The following SYNE2 variants were observed in gnomAD, a reference collection of about 807,000 sequenced individuals.
The protein encoded by SYNE2 is spectrin repeat containing nuclear envelope protein 2.
A neutral mutation model predicts 856.3 loss-of-function variants in SYNE2; 431 were observed. The ratio of observed to expected loss-of-function variants is 0.50; its 90% CI spans 0.47 to 0.55. The LOEUF is 0.55. Among genes scored for constraint, SYNE2 ranks in the 20% least tolerant of loss-of-function variants. The probability of loss-of-function intolerance (pLI) is 0.00; values close to 1 mark genes in which losing one functional copy is unlikely to be tolerated. For missense variants in SYNE2, 8,129 were observed against 8,023.2 expected (o/e 1.01, Z -0.50); for synonymous variants, 2,923 against 2,872.3 (o/e 1.02, Z -0.56).
intron 49 of SYNE2, among the ~76,000 whole-genome samples, chr14:64,056,666 T>C (rs1293059928): frequency 2.6e-5 from 3 of 115,604 alleles, no homozygotes; most frequent in East Asian, 2.7e-4. Context: ...TCCTGACTTT[T>C]GTTGTACTTT....
At position 64,024,114 on chromosome 14, in the gene SYNE2, C is replaced by A. The variant is rs2096959145; in HGVS notation, c.5638-143C>A. On this transcript the variant is annotated intron_variant, in intron 38 of 115. Coordinates refer to ENST00000555002, the MANE Select transcript of SYNE2 (RefSeq NM_182914.3). The stretch of plus-strand genomic sequence containing the variant: ...ATAAATCATCTGCCATTGGAGATAG[C>A]CACATCTCCATCACCCTTCTTTCGT... 8.5e-6 allele frequency: 6 copies of A among 703,328 alleles called. No individual in the cohort carries two copies. The East Asian group carries it at 1.7e-4, about 20-fold the overall frequency. The allele number at this position is 703,328 out of a possible 1,614,324, so 43.6% of individuals were successfully genotyped here.
chr14:64,097,519 A>G (rs1370707622), intron 61 of SYNE2, among the ~76,000 whole-genome samples: 1 of 152,204 alleles, frequency 6.6e-6, no homozygotes, highest in Non-Finnish European at 1.5e-5. Context: ...TTGGGACACA[A>G]TGGAAAGTCT....
At position 63,862,859 on chromosome 14, in the gene SYNE2, G is replaced by A. The variant is rs188577413; in HGVS notation, c.-52+9716G>A. The stretch of plus-strand genomic sequence containing the variant: ...TGTTGCCAGGCTGGAGTGCAGTGGC[G>A]TGATCTTGGCTCACTGCAGCCTCTG... On this transcript the variant is annotated intron_variant, in intron 1 of 115. Coordinates refer to ENST00000555002, the MANE Select transcript of SYNE2 (RefSeq NM_182914.3). Among the ~76,000 whole-genome samples the A allele has an allele frequency of 4.0e-5, 6 of 151,846 alleles. No homozygotes were observed. In the East Asian group the frequency reaches 7.8e-4, roughly 20 times the overall value.
At chr14:64,167,719 G>C (rs967957291) in intron 92 of SYNE2, 80 bp downstream of exon 92, 8 of 1,591,096 alleles carry the variant, frequency 5.0e-6, no homozygotes, top group Non-Finnish European at 6.9e-6. Context: ...ATAAAACACA[G>C]GGAGTGTACC....
chr14:64,149,087 C>T (rs1567465170), intron 84 of SYNE2, among the ~76,000 whole-genome samples: 1 of 150,524 alleles, frequency 6.6e-6, no homozygotes, highest in Admixed American at 6.7e-5. Flanking sequence ...GCAGAAGGAT[C>T]ACTTGAGGCC....
chr14:64,217,657 C>T (rs1266233287), intron 108 of SYNE2, among the ~76,000 whole-genome samples: 1 of 152,178 alleles, frequency 6.6e-6, no homozygotes, highest in Non-Finnish European at 1.5e-5. Context: ...CCTGTGATGA[C>T]GCCTGTGTTC....
chr14:64,143,853 G>A lies in SYNE2; in HGVS notation c.15388G>A (p.Val5130Ile). Residue 5130 changes from valine to isoleucine, a missense_variant, in exon 83 of 116, where the codon GTA becomes ATA. Coordinates refer to ENST00000555002, the MANE Select transcript of SYNE2 (RefSeq NM_182914.3). ...QSLLQLSTCD[V>I]ESKRYERTEF... is the part of the protein sequence containing the mutation. ...ATTACTTCAGCTAAGCACCTGTGAT[G>A]TAGAAAGCAAGCGCTATGAAAGAAC... The A allele has an allele frequency of 6.2e-7, 1 of 1,614,216 alleles. No individual in the cohort carries two copies. The highest frequency in any genetic ancestry group is 8.5e-7 in the Non-Finnish European group (1 of 1,180,034).
At chr14:63,918,991 G>A (rs568192204) in intron 2 of SYNE2, among the ~76,000 whole-genome samples, 1 of 152,196 alleles carries the variant, frequency 6.6e-6, no homozygotes, top group African/African-American at 2.4e-5. Flanking sequence ...AAACTTCCAG[G>A]GGGTTTTGAT....
intron 1 of SYNE2, among the ~76,000 whole-genome samples, chr14:63,885,706 A>G (rs1053572777): frequency 6.6e-6 from 1 of 152,116 alleles, no homozygotes; most frequent in Middle Eastern, 3.2e-3. Context: ...GGCTCAAGCA[A>G]TCCTGCCTCA....
At chr14:63,781,827 A>G (rs540050877) in intron 1 of SYNE2, among the ~76,000 whole-genome samples, 1 of 152,226 alleles carries the variant, frequency 6.6e-6, no homozygotes, top group African/African-American at 2.4e-5. Context: ...GGTAGTATAG[A>G]ATATCCTGTG....
chr14:64,144,224 G>T (rs933966127), intron 83 of SYNE2, among the ~76,000 whole-genome samples: 1 of 152,160 alleles, frequency 6.6e-6, no homozygotes, highest in African/African-American at 2.4e-5. Context: ...TATTATGTCA[G>T]ACTCCTAAAT....
chr14:64,043,396 A>T (rs1235824475), intron 45 of SYNE2, among the ~76,000 whole-genome samples: 1 of 152,224 alleles, frequency 6.6e-6, no homozygotes, highest in African/African-American at 2.4e-5. Context: ...GTGCACAAGT[A>T]ACAAGCCGAA....
chr14:64,113,679 C>G, intron 66 of SYNE2, 108 bp downstream of exon 66: 1 of 1,203,174 alleles, frequency 8.3e-7, no homozygotes, highest in Non-Finnish European at 1.2e-6. Context: ...TTACTCTGAC[C>G]CTTACATTTA....
At chr14:64,002,693 T>C in intron 29 of SYNE2, 27 bp from the exon 30 acceptor site, 1 of 1,609,328 alleles carries the variant, frequency 6.2e-7, no homozygotes, top group South Asian at 1.1e-5. Context: ...CACCTCAGTG[T>C]TTTAGCTTTT....
In SYNE2 at chr14:64,177,324, A is replaced by C. The variant is rs1011340575; in HGVS notation, c.17431-34A>C. ...TTCTACAATTCATTCTAAAGAGCAA[A>C]ATACTTACCAGTTTTAATCTTGTTT... On this transcript the variant is annotated intron_variant, in intron 95 of 115. Coordinates refer to ENST00000555002, the MANE Select transcript of SYNE2 (RefSeq NM_182914.3). 3.0e-5 allele frequency: 48 copies of C among 1,613,766 alleles called. No homozygotes were observed. The African/African-American group carries it at 4.9e-4, about 17-fold the overall frequency.
intron 1 of SYNE2, among the ~76,000 whole-genome samples, chr14:63,789,169 A>G (rs1054209466): frequency 5.9e-5 from 9 of 152,160 alleles, no homozygotes; most frequent in Non-Finnish European, 8.8e-5. Flanking sequence ...TGATGCATCA[A>G]ATATTTCACT....
At chr14:64,182,711 G>A in intron 96 of SYNE2, among the ~76,000 whole-genome samples, 1 of 152,202 alleles carries the variant, frequency 6.6e-6, no homozygotes, top group Non-Finnish European at 1.5e-5. Flanking sequence ...TGGGGGTAAG[G>A]TCATAGATTA....
At chr14:63,934,481 C>T (rs1165821467) in intron 2 of SYNE2, among the ~76,000 whole-genome samples, 1 of 151,734 alleles carries the variant, frequency 6.6e-6, no homozygotes, top group African/African-American at 2.4e-5. Flanking sequence ...GCTAGGAAAG[C>T]TCATAGTCAC....
At position 64,062,879 on chromosome 14, in the gene SYNE2, G is replaced by C. The variant is rs36039501; in HGVS notation, c.10196G>C (p.Arg3399Pro). The change falls in exon 50 of 116, where the codon CGC (arginine) becomes CCC (proline). Residue 3399 changes from arginine (R) to proline (P), a missense_variant. Arg to Pro is a moderately radical substitution (Grantham distance 103, BLOSUM62 -2). This residue lies in a region of SYNE2 where 5,410 missense variants were observed against 5,284.8 expected (regional missense o/e 1.02). Transcript: ENST00000555002. ...LPLSYREALE[R>P]LEQSKALVSN... Reference sequence around the variant, plus strand: ...CTGTCTTACAGAGAAGCTTTAGAGCGCTTGGAACAGAGCAAGGTAATAGTA... The same window carrying C: ...CTGTCTTACAGAGAAGCTTTAGAGCCCTTGGAACAGAGCAAGGTAATAGTA... 6.2e-7 allele frequency: 1 copy of C among 1,614,092 alleles called. No individual in the cohort carries two copies. Among genetic ancestry groups the C allele is most frequent in the Non-Finnish European group, 8.5e-7 (1 of 1,180,006 alleles).
Sources: gnomAD v4.1 joint callset for allele counts (sites outside exome capture counted in the v4.1 genomes callset) on GRCh38, gnomAD v4.1.1 for gene constraint, gnomAD v4.1.1 regional missense constraint, MANE v1.5 for transcripts, NCBI Gene and HGNC (gene_info 2026-07-23, HGNC 2026-07-21) for gene names.